TNPO1: variants seen among roughly 807,000 people sequenced by gnomAD.
The protein encoded by TNPO1 is transportin 1, also known as transportin-1.
A neutral mutation model predicts 119.5 loss-of-function variants in TNPO1; 8 were observed. That is an observed-to-expected ratio of 0.07 (90% CI 0.04 to 0.12). The LOEUF (loss-of-function observed/expected upper bound fraction) is 0.12, where lower values mean the gene tolerates loss of function less well. Ranked by LOEUF, TNPO1 falls within the 10% of genes least tolerant of loss-of-function variation. The probability of loss-of-function intolerance (pLI) is 1.00; values close to 1 mark genes in which losing one functional copy is unlikely to be tolerated. For missense variants in TNPO1, 576 were observed against 1,089.8 expected (o/e 0.53, Z 6.64); for synonymous variants, 362 against 363.0 (o/e 1.00, Z 0.03).
intron 24 of TNPO1, among the ~76,000 whole-genome samples, chr5:72,908,103 T>C (rs1047678078): frequency 6.6e-6 from 1 of 152,124 alleles, no homozygotes; most frequent in African/African-American, 2.4e-5. Flanking sequence ...TCTCTTTTTT[T>C]ATGTAGAATT....
intron 6 of TNPO1, chr5:72,871,714 C>G (rs1324083734): frequency 2.0e-5 from 3 of 152,156 alleles, no homozygotes; most frequent in African/African-American, 7.2e-5. Flanking sequence ...AGTGAGAAGT[C>G]TCTGGAATTA....
At chr5:72,861,711 T>C (rs910996117) in intron 4 of TNPO1, 97 bp from the exon 5 acceptor site, 2 of 866,804 alleles carry the variant, frequency 2.3e-6, no homozygotes, top group African/African-American at 3.4e-5. Flanking sequence ...CCAAATGTTA[T>C]TATTTACATA....
chr5:72,878,970 G>A lies in TNPO1; in HGVS notation c.920+1624G>A, dbSNP rs73762224. The A allele has an allele frequency of 5.2e-3, 2,508 of 485,674 alleles. 72 individuals are homozygous for A. The highest frequency in any genetic ancestry group is 0.047 in the African/African-American group (2,330 of 49,710). The allele number at this position is 485,674 out of a possible 1,614,324, so 30.1% of individuals were successfully genotyped here. ...CACGAACCATGCCACTGTTTCCATG[G>A]GCCCAGATTACTCTGGCTTTGTTTA... is the stretch of plus-strand genomic sequence containing the variant. On this transcript the variant is annotated intron_variant, in intron 9 of 24. Coordinates refer to ENST00000337273, the MANE Select transcript of TNPO1 (RefSeq NM_002270.4).
At chr5:72,893,309 A>T in intron 16 of TNPO1, 63 bp downstream of exon 16, 1 of 1,605,698 alleles carries the variant, frequency 6.2e-7, no homozygotes, top group Non-Finnish European at 8.5e-7. Flanking sequence ...AGATAGGTAT[A>T]ATGTATACAG....
intron 22 of TNPO1, among the ~76,000 whole-genome samples, chr5:72,902,933 CA>C (rs1749900424): frequency 6.6e-6 from 1 of 151,890 alleles, no homozygotes; most frequent in South Asian, 2.1e-4. Flanking sequence ...GTAGTATTAC[CA>C]AATTTTTTGA....
chr5:72,839,468 T>C (rs1477566725), intron 1 of TNPO1, among the ~76,000 whole-genome samples: 1 of 152,224 alleles, frequency 6.6e-6, no homozygotes, highest in East Asian at 1.9e-4. Context: ...TCTTACAACT[T>C]AAGTGGAACT....
chr5:72,848,179 T>G (rs1431546951), intron 1 of TNPO1: 3 of 1,210,854 alleles, frequency 2.5e-6, no homozygotes, highest in Admixed American at 4.5e-5. Flanking sequence ...CAGCAGACGC[T>G]GGCGGCCGGG....
intron 11 of TNPO1, among the ~76,000 whole-genome samples, chr5:72,885,000 A>T (rs1748518131): frequency 6.6e-6 from 1 of 152,250 alleles, no homozygotes; most frequent in Non-Finnish European, 1.5e-5. Context: ...AACAGACATT[A>T]TCAGTCTGGG....
Position 72,905,374 on chromosome 5 carries a change from C to T in TNPO1, c.2661C>T (p.Pro887=). The T allele has an allele frequency of 6.2e-7, 1 of 1,611,972 alleles. No individual in the cohort carries two copies. Among genetic ancestry groups the T allele is most frequent in the Non-Finnish European group, 8.5e-7 (1 of 1,179,714 alleles). ...WRRFSDQFPL[P]LKERLAAFYG... ...GTTTCTCTGACCAGTTTCCTCTTCC[C>T]TTAAAAGAGCGTCTTGCAGCTTTTT... is the stretch of plus-strand genomic sequence containing the variant. The change falls in exon 24 of 25, where the codon CCC becomes CCT. Residue 887 remains proline (P), a synonymous_variant. Transcript: ENST00000337273.
At chr5:72,843,816 A>T (rs1479257225) in intron 1 of TNPO1, among the ~76,000 whole-genome samples, 1 of 152,156 alleles carries the variant, frequency 6.6e-6, no homozygotes, top group East Asian at 1.9e-4. Context: ...ATTGAACCAG[A>T]TGGGGGGAAA....
intron 20 of TNPO1, among the ~76,000 whole-genome samples, chr5:72,899,643 TGAAG>T (rs1362863045): frequency 6.6e-6 from 1 of 152,208 alleles, no homozygotes; most frequent in African/African-American, 2.4e-5. Context: ...GGCTTTTGAA[TGAAG>T]GTTCTCTAAA....
intron 2 of TNPO1, among the ~76,000 whole-genome samples, chr5:72,849,955 T>A (rs1317377940): frequency 6.6e-6 from 1 of 152,204 alleles, no homozygotes; most frequent in African/African-American, 2.4e-5. Context: ...AGTCTACATT[T>A]ATTAGGTACC....
chr5:72,900,771 A>G (rs1749747807), intron 21 of TNPO1: 3 of 372,746 alleles, frequency 8.0e-6, no homozygotes, highest in Non-Finnish European at 1.5e-5. Context: ...GAAAATGTGG[A>G]TTTCACTGTT....
chr5:72,891,197 T>C (rs910077854), intron 14 of TNPO1, among the ~76,000 whole-genome samples: 3 of 151,638 alleles, frequency 2.0e-5, no homozygotes, highest in African/African-American at 7.2e-5. Flanking sequence ...CTGGGCACAG[T>C]GGCTCACACC....
intron 23 of TNPO1, among the ~76,000 whole-genome samples, chr5:72,904,385 A>G (rs1749991477): frequency 6.6e-6 from 1 of 152,266 alleles, no homozygotes; most frequent in Non-Finnish European, 1.5e-5. Context: ...CTTAGAGTAT[A>G]TCTGTTACTG....
At position 72,821,016 on chromosome 5, in the gene TNPO1, G is replaced by A. The variant is rs140377669; in HGVS notation, c.15+4264G>A. On this transcript the variant is annotated intron_variant, in intron 1 of 24. Transcript: ENST00000337273. ...AATCTCAAATTTGATTAAATTTGGG[G>A]AATAAGAGAAATGAAAAGGCCCGTA... 2.1e-3 allele frequency among the ~76,000 whole-genome samples: 325 copies of A among 152,100 alleles called. 3 individuals are homozygous for A. The highest frequency in any genetic ancestry group is 7.5e-3 in the African/African-American group (311 of 41,494).
chr5:72,910,860 T>C lies in TNPO1; in HGVS notation c.*2187T>C, dbSNP rs1396259067. 6.6e-6 allele frequency: 1 copy of C among 152,124 alleles called. No individual in the cohort carries two copies. Among genetic ancestry groups the C allele is most frequent in the African/African-American group, 2.4e-5 (1 of 41,454 alleles). The allele number at this position is 152,124 out of a possible 1,614,324, so 9.4% of individuals were successfully genotyped here. ...TCTTTCACCTTTCCTCTACTTTGGC[T>C]TTGCAAATTTCAGTCTGTAGAGCCT... On this transcript the variant is annotated 3_prime_UTR_variant, in exon 25 of 25. Coordinates refer to ENST00000337273, the MANE Select transcript of TNPO1 (RefSeq NM_002270.4).
chr5:72,868,458 A>AAAAAAAAAAAAAAAAAC (rs1554052270), intron 6 of TNPO1, among the ~76,000 whole-genome samples: 2 of 113,318 alleles, frequency 1.8e-5, no homozygotes, highest in Non-Finnish European at 4.3e-5. Context: ...AAAAAAAAAA[A>AAAAAAAAAAAAAAAAAC]ACACAAAATA....
rs1383349039 is a variant in TNPO1 at position 72,909,513 on chromosome 5, GTTACT to G, written c.*843_*847del. The G allele has an allele frequency of 6.6e-6, 1 of 152,120 alleles. No homozygotes were observed. Among genetic ancestry groups the G allele is most frequent in the Middle Eastern group, 3.2e-3 (1 of 316 alleles). 9.4% of individuals were successfully genotyped at this position (152,120 alleles called of 1,614,324 possible). On this transcript the variant is annotated 3_prime_UTR_variant, in exon 25 of 25. Transcript: ENST00000337273. ...TTAGATTTAATTTCTAGGCCAAGAT[GTTACT>G]TTTTAAAGTGCAGTTTAAGGTTCAG...
Sources: allele counts gnomAD v4.1 joint callset (sites outside exome capture counted in the v4.1 genomes callset), GRCh38; gene constraint gnomAD v4.1.1; transcripts MANE v1.5; gene names NCBI Gene and HGNC (gene_info 2026-07-23, HGNC 2026-07-21).